The following ANKFN1 variants were observed in gnomAD, a reference collection of about 807,000 sequenced individuals.
ANKFN1 encodes ankyrin repeat and fibronectin type III domain containing 1.
A neutral mutation model predicts 108.7 loss-of-function variants in ANKFN1; 74 were observed. That is an observed-to-expected ratio of 0.68 (90% CI 0.56 to 0.83). ANKFN1 has a LOEUF of 0.83. Among genes scored for constraint, ANKFN1 ranks in the 40% least tolerant of loss-of-function variants. ANKFN1 has a pLI of 0.00. For synonymous variants in ANKFN1, 547 were observed against 516.2 expected (o/e 1.06, Z -0.81); for missense variants, 1,505 against 1,382.3 (o/e 1.09, Z -1.41).
At chr17:56,280,008 C>CTTTTTTTTTTTTTTTTTTTTTT (rs3086033) in intron 3 of ANKFN1, among the ~76,000 whole-genome samples, 13 of 134,852 alleles carry the variant, frequency 9.6e-5, no homozygotes, top group African/African-American at 3.2e-4. Flanking sequence ...CACATAATGT[C>CTTTTTTTTTTTTTTTTTTTTTT]TTTTTTTTTT....
chr17:56,259,659 GA>G (rs1361274298), intron 3 of ANKFN1, among the ~76,000 whole-genome samples: 1 of 152,130 alleles, frequency 6.6e-6, no homozygotes, highest in African/African-American at 2.4e-5. Flanking sequence ...TCGCATCACA[GA>G]GGATGGAGAA....
At chr17:56,448,139 A>T (rs1399989553) in intron 10 of ANKFN1, among the ~76,000 whole-genome samples, 1 of 152,224 alleles carries the variant, frequency 6.6e-6, no homozygotes, top group Non-Finnish European at 1.5e-5. Context: ...CTGGGGAAGA[A>T]TGACTAGCAA....
At chr17:56,152,254 A>ATGTG (rs767291179), upstream of ANKFN1, among the ~76,000 whole-genome samples, 171 of 78,442 alleles carry the variant, frequency 2.2e-3, no homozygotes, top group African/African-American at 6.5e-3. Context: ...AAATATATAT[A>ATGTG]TATATATATG....
chr17:56,076,064 G>A (rs991045691), intron 4 of ANKFN1, among the ~76,000 whole-genome samples: 1 of 152,116 alleles, frequency 6.6e-6, no homozygotes, highest in Non-Finnish European at 1.5e-5. Flanking sequence ...ACACAATTTG[G>A]ACTTTGCTAA....
At chr17:56,213,330 C>T (rs901121870) in intron 2 of ANKFN1, among the ~76,000 whole-genome samples, 1 of 152,188 alleles carries the variant, frequency 6.6e-6, no homozygotes, top group Non-Finnish European at 1.5e-5. Flanking sequence ...TCTCTGTGCA[C>T]ACGAGCGGTG....
At chr17:56,309,824 T>G (rs768214294) in intron 3 of ANKFN1, among the ~76,000 whole-genome samples, 1 of 152,242 alleles carries the variant, frequency 6.6e-6, no homozygotes, top group Non-Finnish European at 1.5e-5. Context: ...CTAAAAGTTA[T>G]GTAAATGTGT....
intron 1 of ANKFN1, among the ~76,000 whole-genome samples, chr17:56,203,717 G>C (rs977393372): frequency 1.3e-5 from 2 of 152,172 alleles, no homozygotes; most frequent in Non-Finnish European, 1.5e-5. Context: ...ATGTACAAAC[G>C]AGTCAGGAAG....
In ANKFN1 at chr17:56,510,993, C is replaced by T. The variant is rs1676478936; in HGVS notation, c.3165C>T (p.Gly1055=). 3 of 1,535,988 alleles carry T rather than the reference C, an allele frequency of 2.0e-6. No homozygotes were observed. The highest frequency in any genetic ancestry group is 2.6e-6 in the Non-Finnish European group (3 of 1,146,854). The change falls in exon 21 of 21, where the codon GGC becomes GGT. Residue 1055 remains glycine, a synonymous_variant. Transcript: ENST00000682825. ...AGCCCAAGGAGGCCAAGCGGGCCGG[C>T]CCTGCCCTTGATGATCCCAGGGGCC... is the stretch of plus-strand genomic sequence containing the variant. ...AQEPKEAKRA[G]PALDDPRGLT...
At position 56,330,030 on chromosome 17, in the gene ANKFN1, C is replaced by A. The variant is rs547259290; in HGVS notation, c.188+3675C>A. On this transcript the variant is annotated intron_variant, in intron 4 of 20. Coordinates refer to ENST00000682825, the MANE Select transcript of ANKFN1 (RefSeq NM_001370326.1). ...TAAATGTTTACTGTTTACAAGCCAC[C>A]CAGTTTATGGTATTTGGTTACAGCA... Among the ~76,000 whole-genome samples the A allele has an allele frequency of 5.3e-5, 8 of 152,258 alleles. No homozygotes were observed. In the East Asian group the frequency reaches 1.4e-3, roughly 26 times the overall value.
intron 3 of ANKFN1, among the ~76,000 whole-genome samples, chr17:56,315,645 A>G (rs1350357471): frequency 6.6e-6 from 1 of 152,182 alleles, no homozygotes; most frequent in Non-Finnish European, 1.5e-5. Context: ...GAAGAATGAC[A>G]TTGAGTATTT....
chr17:56,094,400 C>G (rs1170788819), intron 4 of ANKFN1, among the ~76,000 whole-genome samples: 1 of 149,264 alleles, frequency 6.7e-6, no homozygotes, highest in East Asian at 1.9e-4. Context: ...GATAATAACA[C>G]TTAGGAATGT....
At chr17:56,447,185 T>C (rs978690518) in intron 10 of ANKFN1, among the ~76,000 whole-genome samples, 2 of 152,122 alleles carry the variant, frequency 1.3e-5, no homozygotes, top group Admixed American at 1.3e-4. Flanking sequence ...ATTGTGCCAC[T>C]GCACCCCAGC....
intron 8 of ANKFN1, among the ~76,000 whole-genome samples, chr17:56,395,855 A>G (rs1282818261): frequency 1.3e-5 from 2 of 152,108 alleles, no homozygotes; most frequent in African/African-American, 4.8e-5. Context: ...CTCAAAAAAG[A>G]AAAACAAAGG....
chr17:56,363,580 A>T (rs1321349771), intron 6 of ANKFN1, among the ~76,000 whole-genome samples: 2 of 152,226 alleles, frequency 1.3e-5, no homozygotes, highest in African/African-American at 4.8e-5. Flanking sequence ...GTATTTACCC[A>T]AAAGGTTTGA....
At chr17:56,182,375 C>T (rs1911770143) in intron 1 of ANKFN1, among the ~76,000 whole-genome samples, 2 of 152,138 alleles carry the variant, frequency 1.3e-5, no homozygotes, top group Non-Finnish European at 2.9e-5. Flanking sequence ...CCAGTGAAAA[C>T]ACAAATGATA....
chr17:56,347,265 T>C lies in ANKFN1; in HGVS notation c.189-3501T>C, dbSNP rs138559571. ...ACTATTTAAATTGTTATGATATACT[T>C]TGGTGTCTCTATTTTGAGAAAAAGA... On this transcript the variant is annotated intron_variant, in intron 4 of 20. Coordinates refer to ENST00000682825, the MANE Select transcript of ANKFN1 (RefSeq NM_001370326.1). Among the ~76,000 whole-genome samples the C allele has an allele frequency of 7.5e-3, 1,140 of 152,120 alleles. 8 individuals are homozygous for C. The highest frequency in any genetic ancestry group is 0.025 in the African/African-American group (1,034 of 41,528).
At chr17:56,487,666 A>T (rs552201815) in intron 18 of ANKFN1, among the ~76,000 whole-genome samples, 1 of 152,340 alleles carries the variant, frequency 6.6e-6, no homozygotes, top group Admixed American at 6.5e-5. Flanking sequence ...TGCCCATCAC[A>T]AGCTCAAAAT....
chr17:56,229,109 C>A (rs371117890), intron 3 of ANKFN1, among the ~76,000 whole-genome samples: 2 of 152,042 alleles, frequency 1.3e-5, no homozygotes, highest in African/African-American at 4.8e-5. Flanking sequence ...AATACTCAAG[C>A]GTTAGCACAA....
intron 3 of ANKFN1, among the ~76,000 whole-genome samples, chr17:56,299,382 G>C (rs1342065587): frequency 6.6e-6 from 1 of 152,016 alleles, no homozygotes; most frequent in African/African-American, 2.4e-5. Flanking sequence ...CCCCTCTCCT[G>C]GTTTTCAGGT....
Sources: allele counts gnomAD v4.1 joint callset (sites outside exome capture counted in the v4.1 genomes callset), GRCh38; gene constraint gnomAD v4.1.1; transcripts MANE v1.5; gene names NCBI Gene and HGNC (gene_info 2026-07-23, HGNC 2026-07-21).